The following ARFRP1 variants were observed in gnomAD, a reference collection of about 807,000 sequenced individuals.
The protein encoded by ARFRP1 is ADP-ribosylation factor-related protein 1.
Under a neutral mutation model 30.3 loss-of-function variants are expected in ARFRP1, and 19 were observed. That is an observed-to-expected ratio of 0.63 (90% confidence interval 0.44 to 0.92). The LOEUF is 0.92. Among genes scored for constraint, ARFRP1 ranks in the 40% least tolerant of loss-of-function variants. ARFRP1 has a pLI of 0.00. For synonymous variants in ARFRP1, 133 were observed against 114.2 expected, an observed-to-expected ratio of 1.16 and a Z score of -1.05; for missense variants, 245 against 267.5, an observed-to-expected ratio of 0.92 and a Z score of 0.59.
rs1224824107 is a variant in ARFRP1, at chr20:63,701,878, C to T, written c.369G>A (p.Ala123=). The T allele has an allele frequency of 1.1e-5, 17 of 1,550,222 alleles. 1 individual carries two copies. The highest frequency in any genetic ancestry group is 1.7e-4 in the Middle Eastern group (1 of 5,946). The change falls in exon 6 of 8, where the codon GCG becomes GCA. Residue 123 remains alanine (A), a synonymous_variant. Coordinates refer to ENST00000622789, the MANE Select transcript of ARFRP1 (RefSeq NM_001267547.3). ...QAFEKVVTSE[A]LCGVPVLVLA... ...GCACCAAGACGGGGACACCGCACAG[C>T]GCCTCGCTGGTCACCACCTTCTCTG... is the stretch of plus-strand genomic sequence containing the variant.
At position 63,700,670 on chromosome 20, in the gene ARFRP1, G is replaced by A. The variant is rs1294810273; in HGVS notation, c.450C>T (p.Ala150=). Residue 150 remains alanine (A), a synonymous_variant, in exon 7 of 8, where the codon GCC becomes GCT. Transcript: ENST00000622789. The part of the protein sequence containing the change: ...TCLSIPDIKT[A]FSDCTSKIGR... ...CGATCTTGCTGGTGCAGTCGCTGAA[G>A]GCCGTCTTGATGTCAGGGATTGAGA... is the stretch of plus-strand genomic sequence containing the variant. The A allele has an allele frequency of 3.1e-6, 5 of 1,610,982 alleles. No homozygotes were observed. The highest frequency in any genetic ancestry group is 1.3e-5 in the African/African-American group (1 of 75,002).
Position 63,702,008 on chromosome 20 carries a change from C to A in ARFRP1, c.347-108G>T, listed in dbSNP as rs952305650. 2.8e-5 allele frequency: 30 copies of A among 1,061,154 alleles called. No homozygotes were observed. The African/African-American group carries it at 2.9e-4, about 10-fold the overall frequency. The allele number at this position is 1,061,154 out of a possible 1,614,324, so 65.7% of individuals were successfully genotyped here. ...ACAGCCACTCCCTCTGCCCCCCCCCCCCCCGTCACCCACTAGGCAGGAGCA... is the reference window on the plus strand; with the variant it reads ...ACAGCCACTCCCTCTGCCCCCCCCCACCCCGTCACCCACTAGGCAGGAGCA... On this transcript the variant is annotated intron_variant, in intron 5 of 7. Coordinates refer to ENST00000622789, the MANE Select transcript of ARFRP1 (RefSeq NM_001267547.3).
chr20:63,703,364 G>C (rs994601975), intron 4 of ARFRP1: 1 of 152,410 alleles, frequency 6.6e-6, no homozygotes, highest in Non-Finnish European at 1.5e-5. Flanking sequence ...AGAGAAGCCT[G>C]TGCACCTGCA....
chr20:63,707,131 G>A (rs752739881), intron 1 of ARFRP1, 34 bp from the exon 2 acceptor site: 26 of 1,551,340 alleles, frequency 1.7e-5, no homozygotes, highest in Non-Finnish European at 2.1e-5. Context: ...TGTGCAGCCA[G>A]AAAGCACCTC....
Position 63,706,751 on chromosome 20 carries a change from G to A in ARFRP1, c.94-13C>T, listed in dbSNP as rs767332260. On this transcript the variant is annotated splice_polypyrimidine_tract_variant and intron_variant, in intron 2 of 7. Coordinates refer to ENST00000622789, the MANE Select transcript of ARFRP1 (RefSeq NM_001267547.3). ...GCTCCAGGAAGGTCTGAGGAGAGAG[G>A]CAGAGGCGAAACACATCAAGGAGGG... 4.4e-6 allele frequency: 7 copies of A among 1,596,176 alleles called. No homozygotes were observed. In the South Asian group the frequency reaches 5.5e-5, roughly 13 times the overall value.
In ARFRP1 at chr20:63,700,545, G is replaced by A. The variant is rs1336572416; in HGVS notation, c.519-15C>T. 1 of 1,610,790 alleles carries A rather than the reference G, an allele frequency of 6.2e-7. No homozygotes were observed. Among genetic ancestry groups the A allele is most frequent in the Admixed American group, 1.7e-5 (1 of 60,012 alleles). ...GCACCCCTTTGCTGTGAAGACAGCG[G>A]GTGTGAGGCGGGGGGTCTCGGTCCC... is the stretch of plus-strand genomic sequence containing the variant. On this transcript the variant is annotated splice_polypyrimidine_tract_variant and intron_variant, in intron 7 of 7. Coordinates refer to ENST00000622789, the MANE Select transcript of ARFRP1 (RefSeq NM_001267547.3).
At position 63,706,642 on chromosome 20, in the gene ARFRP1, G is replaced by A. The variant is rs1454056844; in HGVS notation, c.181+9C>T. On this transcript the variant is annotated intron_variant, in intron 3 of 7. Transcript: ENST00000622789. ...CCCCAAACCCACAGCCTGCTATTGA[G>A]ACCCTTACTGTTTAGGCCCACGGTG... 1.3e-6 allele frequency: 2 copies of A among 1,598,522 alleles called. No individual in the cohort carries two copies. Among genetic ancestry groups the A allele is most frequent in the Non-Finnish European group, 1.7e-6 (2 of 1,165,854 alleles).
In ARFRP1 at chr20:63,706,166, G is replaced by C; in HGVS notation, c.264+191C>G. ...GGGAAACTCCCCTACCACCACTTTT[G>C]GGGCAACTTCAGCTAAGGGTTCAGC... On this transcript the variant is annotated intron_variant, in intron 4 of 7. Transcript: ENST00000622789. 3 of 570,982 alleles carry C rather than the reference G, an allele frequency of 5.3e-6. No individual in the cohort carries two copies. In the South Asian group the frequency reaches 5.7e-5, roughly 11 times the overall value. 35.4% of individuals were successfully genotyped at this position (570,982 alleles called of 1,614,324 possible).
chr20:63,702,006 C>CT (rs1249411884), intron 5 of ARFRP1, 106 bp from the exon 6 acceptor site: 1 of 1,013,696 alleles, frequency 9.9e-7, no homozygotes, highest in African/African-American at 1.9e-5. Flanking sequence ...CTGCCCCCCC[C>CT]CCCCCCGTCA....
At chr20:63,706,606 C>T (rs748030926) in intron 3 of ARFRP1, 45 bp downstream of exon 3, 2 of 1,550,854 alleles carry the variant, frequency 1.3e-6, no homozygotes, top group Non-Finnish European at 1.8e-6. Context: ...AATATCACGG[C>T]ATCCTCAAGG....
chr20:63,707,352 C>G (rs181914983), intron 1 of ARFRP1: 90 of 437,558 alleles, frequency 2.1e-4, no homozygotes, highest in Middle Eastern at 1.9e-3. Flanking sequence ...CCCCTGCTCG[C>G]GGGACTACCC....
chr20:63,706,508 AG>A, intron 3 of ARFRP1, 69 bp from the exon 4 acceptor site: 1 of 1,558,934 alleles, frequency 6.4e-7, no homozygotes, highest in Non-Finnish European at 8.8e-7. Flanking sequence ...CAGCTCTCCC[AG>A]GGGATGGGGC....
intron 4 of ARFRP1, chr20:63,702,463 A>G: frequency 1.9e-6 from 1 of 539,484 alleles, no homozygotes; most frequent in Non-Finnish European, 3.3e-6. Context: ...GGTGAAAGAC[A>G]GGGATTGGGC....
At chr20:63,702,002 C>G (rs1018932401) in intron 5 of ARFRP1, 102 bp from the exon 6 acceptor site, 9 of 377,230 alleles carry the variant, frequency 2.4e-5, no homozygotes, top group East Asian at 4.2e-4. Flanking sequence ...CCCTCTGCCC[C>G]CCCCCCCCCC....
chr20:63,700,904 G>GAC, intron 6 of ARFRP1: 1 of 664,934 alleles, frequency 1.5e-6, no homozygotes, highest in Non-Finnish European at 2.5e-6. Flanking sequence ...TAGTGCCTGA[G>GAC]ACAAACTAGA....
rs1480658793 is a variant in ARFRP1, at chr20:63,702,362, C to T, written c.265-145G>A. On this transcript the variant is annotated intron_variant, in intron 4 of 7. Coordinates refer to ENST00000622789, the MANE Select transcript of ARFRP1 (RefSeq NM_001267547.3). ...CCAACTGCAAGACCCTTCTGGGATG[C>T]ATTCTGGGGTTGCGGGGAGATCTGG... 6.8e-6 allele frequency: 5 copies of T among 736,364 alleles called. No homozygotes were observed. The East Asian group carries it at 1.4e-4, about 20-fold the overall frequency. The allele number at this position is 736,364 out of a possible 1,614,324, so 45.6% of individuals were successfully genotyped here.
Position 63,699,219 on chromosome 20 carries a change from AACAC to A in ARFRP1, c.*1220_*1223del, listed in dbSNP as rs1307657514. On this transcript the variant is annotated 3_prime_UTR_variant, in exon 8 of 8. Coordinates refer to ENST00000622789, the MANE Select transcript of ARFRP1 (RefSeq NM_001267547.3). ...CCAGGTCCTGGGAACCAACCTGCAG[AACAC>A]ACACAGGGTCCCCTGGAGAGGACGC... 6.6e-6 allele frequency: 1 copy of A among 152,180 alleles called. No individual in the cohort carries two copies. The highest frequency in any genetic ancestry group is 1.5e-5 in the Non-Finnish European group (1 of 67,992). 9.4% of individuals were successfully genotyped at this position (152,180 alleles called of 1,614,324 possible). A position where few individuals can be genotyped will look rare whatever the true frequency, so the allele number is the denominator to read the frequency against.
chr20:63,701,998 G>GCCCCCCCCCCCCCCCCCCC lies in ARFRP1; in HGVS notation c.347-99_347-98insGGGGGGGGGGGGGGGGGGG, dbSNP rs59166240. On this transcript the variant is annotated intron_variant, in intron 5 of 7. Coordinates refer to ENST00000622789, the MANE Select transcript of ARFRP1 (RefSeq NM_001267547.3). The stretch of plus-strand genomic sequence containing the variant: ...GGACACTGTGACAGCCACTCCCTCT[G>GCCCCCCCCCCCCCCCCCCC]CCCCCCCCCCCCCCGTCACCCACTA... 2.7e-5 allele frequency: 16 copies of GCCCCCCCCCCCCCCCCCCC among 585,728 alleles called. 2 individuals carry two copies. Among genetic ancestry groups the GCCCCCCCCCCCCCCCCCCC allele is most frequent in the South Asian group, 6.4e-5 (3 of 46,700 alleles). 36.3% of individuals were successfully genotyped at this position (585,728 alleles called of 1,614,324 possible). A position where few individuals can be genotyped will look rare whatever the true frequency, so the allele number is the denominator to read the frequency against.
At position 63,702,009 on chromosome 20, in the gene ARFRP1, C is replaced by T. The variant is rs1164149883; in HGVS notation, c.347-109G>A. 3.3e-5 allele frequency: 30 copies of T among 919,738 alleles called. 1 individual carries two copies. In the East Asian group the frequency reaches 5.6e-4, roughly 17 times the overall value. 57.0% of individuals were successfully genotyped at this position (919,738 alleles called of 1,614,324 possible). A position where few individuals can be genotyped will look rare whatever the true frequency, so the allele number is the denominator to read the frequency against. On this transcript the variant is annotated intron_variant, in intron 5 of 7. Coordinates refer to ENST00000622789, the MANE Select transcript of ARFRP1 (RefSeq NM_001267547.3). ...CAGCCACTCCCTCTGCCCCCCCCCC[C>T]CCCGTCACCCACTAGGCAGGAGCAC...
Sources: gnomAD v4.1 joint callset for allele counts on GRCh38, gnomAD v4.1.1 for gene constraint, MANE v1.5 for transcripts, NCBI Gene and HGNC (gene_info 2026-07-23, HGNC 2026-07-21) for gene names.